Variants in SLC18B1 observed in about 807,000 individuals in gnomAD.
The protein encoded by SLC18B1 is MFS-type transporter SLC18B1.
A neutral mutation model predicts 53.9 loss-of-function variants in SLC18B1; 62 were observed. The ratio of observed to expected loss-of-function variants is 1.15; its 90% confidence interval spans 0.94 to 1.42. The LOEUF is 1.42. Ranked by LOEUF, SLC18B1 falls within the 40% of genes most tolerant of loss-of-function variation. The probability of loss-of-function intolerance (pLI) is 0.00; values close to 1 mark genes in which losing one functional copy is unlikely to be tolerated. For synonymous variants in SLC18B1, 217 were observed against 200.9 expected, an observed-to-expected ratio of 1.08 and a Z score of -0.68; for missense variants, 598 against 547.3, an observed-to-expected ratio of 1.09 and a Z score of -0.93.
chr6:132,769,927 T>TA lies in SLC18B1; in HGVS notation c.*342dup, dbSNP rs1562260324. On this transcript the variant is annotated 3_prime_UTR_variant, in exon 14 of 14. Coordinates refer to ENST00000275227, the MANE Select transcript of SLC18B1 (RefSeq NM_052831.3). ...ATTCACAGAATCAGTGTACTTAGAA[T>TA]AAAAAATAAACAGAGGAAATAAGAA... is the stretch of plus-strand genomic sequence containing the variant. The TA allele has an allele frequency of 5.7e-6, 1 of 176,750 alleles. No homozygotes were observed. The highest frequency in any genetic ancestry group is 6.1e-5 in the Admixed American group (1 of 16,442). 10.9% of individuals were successfully genotyped at this position (176,750 alleles called of 1,614,324 possible). A position where few individuals can be genotyped will look rare whatever the true frequency, so the allele number is the denominator to read the frequency against.
intron 2 of SLC18B1, among the ~76,000 whole-genome samples, chr6:132,792,579 TAAC>T (rs1405633426): frequency 6.6e-5 from 10 of 152,168 alleles, no homozygotes; most frequent in African/African-American, 2.4e-4. Flanking sequence ...ACATGGTATC[TAAC>T]AACAATTAAA....
At chr6:132,792,285 AAGAAAGGAAGGAAGGAAGGAAGGAAGG>A (rs1781556976) in intron 2 of SLC18B1, among the ~76,000 whole-genome samples, 1 of 56,188 alleles carries the variant, frequency 1.8e-5, no homozygotes, top group Non-Finnish European at 3.5e-5. Flanking sequence ...GAAAGAAAGG[AAGAAAGGAAGGAAGGAAGGAAGGAAGG>A]AAGGAAGGAA....
chr6:132,770,432 T>C lies in SLC18B1; in HGVS notation c.1305-96A>G, dbSNP rs1780939544. The C allele has an allele frequency of 1.2e-5, 14 of 1,136,036 alleles. No individual in the cohort carries two copies. The South Asian group carries it at 1.4e-4, about 12-fold the overall frequency. The allele number at this position is 1,136,036 out of a possible 1,614,324, so 70.4% of individuals were successfully genotyped here. A position where few individuals can be genotyped will look rare whatever the true frequency, so the allele number is the denominator to read the frequency against. ...CAGTACCTGTATCTCCATCCAACTA[T>C]CTTTTTAAAAAAGTTTCTACTGCCC... On this transcript the variant is annotated intron_variant, in intron 13 of 13. Coordinates refer to ENST00000275227, the MANE Select transcript of SLC18B1 (RefSeq NM_052831.3).
chr6:132,792,291 G>GAAAGAAAGAAAGAAA lies in SLC18B1; in HGVS notation c.184-2020_184-2019insTTTCTTTCTTTCTTT, dbSNP rs1562271470. ...AGAAAGAAAGAAAGAAAGGAAGAAA[G>GAAAGAAAGAAAGAAA]GAAGGAAGGAAGGAAGGAAGGAAGG... On this transcript the variant is annotated intron_variant, in intron 2 of 13. Coordinates refer to ENST00000275227, the MANE Select transcript of SLC18B1 (RefSeq NM_052831.3). Among the ~76,000 whole-genome samples the GAAAGAAAGAAAGAAA allele has an allele frequency of 5.1e-4, 34 of 67,042 alleles. 3 individuals carry two copies. Among genetic ancestry groups the GAAAGAAAGAAAGAAA allele is most frequent in the African/African-American group, 3.0e-3 (31 of 10,304 alleles). 44.0% of individuals were successfully genotyped at this position (67,042 alleles called of 152,430 possible).
At chr6:132,773,826 T>C (rs1291966702) in intron 9 of SLC18B1, among the ~76,000 whole-genome samples, 1 of 150,572 alleles carries the variant, frequency 6.6e-6, no homozygotes, top group Non-Finnish European at 1.5e-5. Flanking sequence ...CTAAGGATGA[T>C]ACAGAAAGAA....
chr6:132,782,042 C>T (rs1781250644), intron 6 of SLC18B1, among the ~76,000 whole-genome samples: 1 of 150,618 alleles, frequency 6.6e-6, no homozygotes, highest in South Asian at 2.1e-4. Flanking sequence ...AGAAAAAGTA[C>T]TCAGGTGTGG....
intron 2 of SLC18B1, among the ~76,000 whole-genome samples, chr6:132,794,307 T>C (rs1014166054): frequency 1.3e-5 from 2 of 151,950 alleles, no homozygotes; most frequent in Non-Finnish European, 2.9e-5. Flanking sequence ...TTTCACCATG[T>C]TGGCCAGGCT....
At chr6:132,786,579 TG>T (rs1447219950) in intron 5 of SLC18B1, among the ~76,000 whole-genome samples, 1 of 139,958 alleles carries the variant, frequency 7.1e-6, no homozygotes, top group South Asian at 2.2e-4. Flanking sequence ...AAAAAAAGGT[TG>T]GGGGGAAGGA....
rs1294272604 is a variant in SLC18B1, at chr6:132,790,247, G to T, written c.209C>A (p.Thr70Lys). Residue 70 changes from threonine (T) to lysine (K), a missense_variant, in exon 3 of 14, where the codon ACA becomes AAA. Transcript: ENST00000275227. ...KEAEKKGASN[T>K]IIGMIFGCFA... is the part of the protein sequence containing the mutation. ...ACATCCAAAGATCATACCGATAATT[G>T]TATTGCTGGCTCCCTTCTTTTCAGC... 5.7e-6 allele frequency: 9 copies of T among 1,568,200 alleles called. No individual in the cohort carries two copies. The highest frequency in any genetic ancestry group is 7.8e-6 in the Non-Finnish European group (9 of 1,154,642).
rs1167820594 is a variant in SLC18B1, at chr6:132,792,288, AAAGGAAGG to A, written c.184-2024_184-2017del. 2.3e-3 allele frequency among the ~76,000 whole-genome samples: 91 copies of A among 39,922 alleles called. 4 individuals carry two copies. Among genetic ancestry groups the A allele is most frequent in the Middle Eastern group, 0.013 (1 of 78 alleles). The allele number at this position is 39,922 out of a possible 152,430, so 26.2% of individuals were successfully genotyped here. A position where few individuals can be genotyped will look rare whatever the true frequency, so the allele number is the denominator to read the frequency against. ...GAAAGAAAGAAAGAAAGAAAGGAAG[AAAGGAAGG>A]AAGGAAGGAAGGAAGGAAGGAAGGA... On this transcript the variant is annotated intron_variant, in intron 2 of 13. Transcript: ENST00000275227.
In SLC18B1 at chr6:132,772,997, C is replaced by T; in HGVS notation, c.1081G>A (p.Ala361Thr). The T allele has an allele frequency of 7.4e-6, 12 of 1,611,792 alleles. No individual in the cohort carries two copies. Among genetic ancestry groups the T allele is most frequent in the Non-Finnish European group, 1.0e-5 (12 of 1,178,068 alleles). Residue 361 changes from alanine (A) to threonine (T), a missense_variant, in exon 10 of 14, where the codon GCA becomes ACA. Ala to Thr is a moderately conservative substitution (Grantham distance 58). Coordinates refer to ENST00000275227, the MANE Select transcript of SLC18B1 (RefSeq NM_052831.3). Reference protein sequence around the residue: ...IPTFPEILSCAHENGFEEGLS... With the variant: ...IPTFPEILSCTHENGFEEGLS... ...CAAGCAATGGAAGTAACTTACTGTGCACAACTGAGAATTTCCGGGAAAGTT... is the reference window on the plus strand; with the variant it reads ...CAAGCAATGGAAGTAACTTACTGTGTACAACTGAGAATTTCCGGGAAAGTT...
At chr6:132,793,970 A>G (rs1275574840) in intron 2 of SLC18B1, among the ~76,000 whole-genome samples, 1 of 152,144 alleles carries the variant, frequency 6.6e-6, no homozygotes. Flanking sequence ...CTTTGTCCCT[A>G]TTCACTTAGA....
intron 2 of SLC18B1, among the ~76,000 whole-genome samples, chr6:132,793,454 G>A (rs1485342643): frequency 6.6e-6 from 1 of 152,182 alleles, no homozygotes; most frequent in Non-Finnish European, 1.5e-5. Context: ...CGAGACAAAA[G>A]TAGCAAATGT....
chr6:132,770,807 G>A (rs1308550753), intron 13 of SLC18B1, 83 bp downstream of exon 13: 1 of 1,303,072 alleles, frequency 7.7e-7, no homozygotes, highest in Non-Finnish European at 1.1e-6. Flanking sequence ...CTGACTGGAA[G>A]AATAAATGTA....
chr6:132,790,324 T>C, intron 2 of SLC18B1, 52 bp from the exon 3 acceptor site: 1 of 1,319,896 alleles, frequency 7.6e-7, no homozygotes, highest in Non-Finnish European at 1.0e-6. Flanking sequence ...TAGATCAATA[T>C]GAAAAAATGG....
intron 4 of SLC18B1, 157 bp downstream of exon 4, chr6:132,789,607 C>A: frequency 1.7e-6 from 1 of 592,560 alleles, no homozygotes; most frequent in East Asian, 2.8e-5. Context: ...CCATTTATCC[C>A]TGTTCTCTAC....
intron 6 of SLC18B1, 132 bp from the exon 7 acceptor site, chr6:132,779,536 A>C: frequency 1.1e-6 from 1 of 932,208 alleles, no homozygotes; most frequent in Non-Finnish European, 1.6e-6. Context: ...GTTTGCCTAA[A>C]ATTGTATACC....
Position 132,797,009 on chromosome 6 carries a change from A to G in SLC18B1, c.156T>C (p.Ser52=). 2 of 1,614,090 alleles carry G rather than the reference A, an allele frequency of 1.2e-6. No homozygotes were observed. The highest frequency in any genetic ancestry group is 1.7e-6 in the Non-Finnish European group (2 of 1,179,958). The stretch of plus-strand genomic sequence containing the variant: ...CTTTGGGGAAAAACGGTCCAAGTAT[A>G]GAATAGCACATCATGGAACCTAAGT... The part of the protein sequence containing the change: ...SVNLGSMMCY[S]ILGPFFPKEA... Residue 52 remains serine, a synonymous_variant, in exon 2 of 14, where the codon TCT becomes TCC. Coordinates refer to ENST00000275227, the MANE Select transcript of SLC18B1 (RefSeq NM_052831.3).
At chr6:132,776,516 C>CTTG (rs35648001) in intron 7 of SLC18B1, 87 bp from the exon 8 acceptor site, 70,005 of 899,812 alleles carry the variant, frequency 0.078, 8,080 homozygotes, top group African/African-American at 0.47. Context: ...TTCTTTAGCT[C>CTTG]TTATTACCAT....
Sources: allele counts gnomAD v4.1 joint callset (sites outside exome capture counted in the v4.1 genomes callset), GRCh38; gene constraint gnomAD v4.1.1; transcripts MANE v1.5; gene names NCBI Gene and HGNC (gene_info 2026-07-23, HGNC 2026-07-21).